SLC26A4: variants seen among roughly 807,000 people sequenced by gnomAD.
SLC26A4 encodes the protein solute carrier family 26 member 4.
In SLC26A4, 93 loss-of-function variants were observed where a neutral mutation model predicts 90.4. The observed-to-expected ratio is 1.03, with a 90% confidence interval of 0.87 to 1.22. SLC26A4 has a LOEUF of 1.22. Among genes scored for constraint, SLC26A4 ranks in the 50% most tolerant of loss-of-function variants. The probability of loss-of-function intolerance (pLI) is 0.00; values close to 1 mark genes in which losing one functional copy is unlikely to be tolerated. For missense variants in SLC26A4, 1,127 were observed against 946.2 expected, an observed-to-expected ratio of 1.19 and a Z score of -2.51; for synonymous variants, 393 against 354.6, an observed-to-expected ratio of 1.11 and a Z score of -1.22.
At chr7:107,663,517 T>C (rs2129309237) in intron 3 of SLC26A4, 82 bp downstream of exon 3, 1 of 1,500,858 alleles carries the variant, frequency 6.7e-7, no homozygotes, top group Non-Finnish European at 9.3e-7. Flanking sequence ...CTGTGACAGA[T>C]GGTTGCTTAC....
In SLC26A4 at chr7:107,692,195, G is replaced by A. The variant is rs549061580; in HGVS notation, c.1263+1958G>A. Reference sequence around the variant, plus strand: ...TGTATTATATTTAGGAATGAAGGATGCCAGGATTTCAGCATTAAAGAATGA... The same window carrying A: ...TGTATTATATTTAGGAATGAAGGATACCAGGATTTCAGCATTAAAGAATGA... On this transcript the variant is annotated intron_variant, in intron 10 of 20. Coordinates refer to ENST00000644269, the MANE Select transcript of SLC26A4 (RefSeq NM_000441.2). 44 of 702,786 alleles carry A rather than the reference G, an allele frequency of 6.3e-5. No homozygotes were observed. In the Middle Eastern group the frequency reaches 9.4e-4, roughly 15 times the overall value. The allele number at this position is 702,786 out of a possible 1,614,324, so 43.5% of individuals were successfully genotyped here.
At chr7:107,711,830 T>A (rs1047841565) in intron 19 of SLC26A4, among the ~76,000 whole-genome samples, 2 of 152,230 alleles carry the variant, frequency 1.3e-5, no homozygotes, top group African/African-American at 4.8e-5. Flanking sequence ...GTCATACCAT[T>A]TGCACAGGGA....
intron 20 of SLC26A4, among the ~76,000 whole-genome samples, chr7:107,715,127 C>T (rs958690350): frequency 5.4e-5 from 8 of 147,588 alleles, no homozygotes; most frequent in African/African-American, 9.9e-5. Flanking sequence ...CCCAGCTACT[C>T]GGGAGGCTGA....
intron 6 of SLC26A4, among the ~76,000 whole-genome samples, chr7:107,682,570 TG>T (rs1791270557): frequency 6.6e-6 from 1 of 152,154 alleles, no homozygotes; most frequent in Non-Finnish European, 1.5e-5. Flanking sequence ...TGTAATTTTT[TG>T]TTATTATCTA....
At chr7:107,686,289 T>G (rs919303511) in intron 8 of SLC26A4, among the ~76,000 whole-genome samples, 1 of 109,118 alleles carries the variant, frequency 9.2e-6, no homozygotes, top group African/African-American at 3.5e-5. Flanking sequence ...TTCCCTCCCT[T>G]TCCTACCTTC....
At chr7:107,668,900 C>T (rs554159220) in intron 3 of SLC26A4, among the ~76,000 whole-genome samples, 37 of 152,222 alleles carry the variant, frequency 2.4e-4, no homozygotes, top group African/African-American at 8.4e-4. Context: ...TATTTGTCAC[C>T]ATGCTATAAA....
chr7:107,680,095 AATCTT>A (rs1435749111), intron 6 of SLC26A4, among the ~76,000 whole-genome samples: 1 of 93,524 alleles, frequency 1.1e-5, no homozygotes, highest in African/African-American at 4.8e-5. Flanking sequence ...CTTATTATAT[AATCTT>A]ATCTTATTAT....
rs368280107 is a variant in SLC26A4, at chr7:107,672,252, A to G, written c.415+4A>G. The G allele has an allele frequency of 5.9e-6, 9 of 1,527,534 alleles. No individual in the cohort carries two copies. The African/African-American group carries it at 1.2e-4, about 21-fold the overall frequency. The allele number at this position is 1,527,534 out of a possible 1,614,324, so 94.6% of individuals were successfully genotyped here. A position where few individuals can be genotyped will look rare whatever the true frequency, so the allele number is the denominator to read the frequency against. ...ACATCAAGACATATCTCAGTTGGTA[A>G]TTATAAGTATATTTTACAATTATAT... On this transcript the variant is annotated splice_donor_region_variant and intron_variant, in intron 4 of 20. Transcript: ENST00000644269.
chr7:107,683,112 C>T (rs1791290588), intron 6 of SLC26A4, 90 bp from the exon 7 acceptor site: 2 of 945,882 alleles, frequency 2.1e-6, no homozygotes, highest in East Asian at 2.6e-5. Flanking sequence ...TGGGAAGATT[C>T]ATATGAGAAT....
Position 107,661,857 on chromosome 7 carries a change from C to A in SLC26A4, c.164+52C>A. On this transcript the variant is annotated intron_variant, in intron 2 of 20. Transcript: ENST00000644269. This position sits in a 1 kb window ranked among gnomAD's most constrained non-coding sequence, Gnocchi z 5.1. ...GAGAAGCGGAGCGGGGCGTCCACGC[C>A]TTGGGGAGGGAAGGGCGTCCCCAGC... 6.6e-7 allele frequency: 1 copy of A among 1,511,310 alleles called. No individual in the cohort carries two copies. Among genetic ancestry groups the A allele is most frequent in the Non-Finnish European group, 8.8e-7 (1 of 1,130,274 alleles). The allele number at this position is 1,511,310 out of a possible 1,614,324, so 93.6% of individuals were successfully genotyped here.
intron 3 of SLC26A4, among the ~76,000 whole-genome samples, chr7:107,667,183 A>G (rs939944807): frequency 6.6e-6 from 1 of 152,114 alleles, no homozygotes; most frequent in African/African-American, 2.4e-5. Context: ...TGCCACCTAG[A>G]GAAGTGGGAG....
intron 19 of SLC26A4, among the ~76,000 whole-genome samples, chr7:107,711,288 C>A (rs907524152): frequency 3.9e-5 from 6 of 151,970 alleles, no homozygotes; most frequent in Admixed American, 2.6e-4. Flanking sequence ...ATGAAGTATC[C>A]TTTAAGAGAT....
At position 107,690,256 on chromosome 7, in the gene SLC26A4, T is replaced by C. The variant is rs1376649250; in HGVS notation, c.1263+19T>C. On this transcript the variant is annotated intron_variant, in intron 10 of 20. Coordinates refer to ENST00000644269, the MANE Select transcript of SLC26A4 (RefSeq NM_000441.2). Reference sequence around the variant, plus strand: ...GACACAGGTAGGAACAACAGCCTTATGATATCCATCTCAGAGAACAAGTCG... The same window carrying C: ...GACACAGGTAGGAACAACAGCCTTACGATATCCATCTCAGAGAACAAGTCG... 1 of 1,351,804 alleles carries C rather than the reference T, an allele frequency of 7.4e-7. No homozygotes were observed. Among genetic ancestry groups the C allele is most frequent in the Non-Finnish European group, 1.1e-6 (1 of 940,176 alleles). The allele number at this position is 1,351,804 out of a possible 1,614,324, so 83.7% of individuals were successfully genotyped here.
rs561255298 is a variant in SLC26A4 at position 107,682,635 on chromosome 7, CA to C, written c.766-559del. On this transcript the variant is annotated intron_variant, in intron 6 of 20. Transcript: ENST00000644269. ...CCTAAAATACTGGCTAATTGTGCCCCAAAAAAAAGAAAGCTAGAAAGAAAGA... is the reference window on the plus strand; with the variant it reads ...CCTAAAATACTGGCTAATTGTGCCCCAAAAAAAGAAAGCTAGAAAGAAAGA... Among the ~76,000 whole-genome samples, 4 of 150,688 alleles carry C rather than the reference CA, an allele frequency of 2.7e-5. No homozygotes were observed. In the South Asian group the frequency reaches 8.4e-4, roughly 32 times the overall value.
chr7:107,668,278 G>T (rs1222904455), intron 3 of SLC26A4, among the ~76,000 whole-genome samples: 1 of 152,212 alleles, frequency 6.6e-6, no homozygotes, highest in Non-Finnish European at 1.5e-5. Context: ...TGGAATCTGT[G>T]TGGGCAAGGG....
rs1215804413 is a variant in SLC26A4 at position 107,661,029 on chromosome 7, G to GGA, written c.-4+179_-4+180dup. The GGA allele has an allele frequency of 6.5e-6, 1 of 152,952 alleles. No homozygotes were observed. The highest frequency in any genetic ancestry group is 1.5e-5 in the Non-Finnish European group (1 of 68,624). The allele number at this position is 152,952 out of a possible 1,614,324, so 9.5% of individuals were successfully genotyped here. A position where few individuals can be genotyped will look rare whatever the true frequency, so the allele number is the denominator to read the frequency against. ...AGGCTGCTCGGAAAACAGGACGAGG[G>GGA]GAGAGACTTGCTCAATAAGCTGAAA... On this transcript the variant is annotated intron_variant, in intron 1 of 20. Coordinates refer to ENST00000644269, the MANE Select transcript of SLC26A4 (RefSeq NM_000441.2). The surrounding 1 kb of genome is among the most constrained non-coding windows in gnomAD (Gnocchi z 5.1).
At chr7:107,691,791 T>C in intron 10 of SLC26A4, 1 of 1,015,832 alleles carries the variant, frequency 9.8e-7, no homozygotes, top group African/African-American at 1.7e-5. Context: ...TTTTTGCAAA[T>C]ATTTCCAGCT....
intron 12 of SLC26A4, 59 bp from the exon 13 acceptor site, chr7:107,695,874 T>C (rs569347887): frequency 6.0e-5 from 53 of 889,034 alleles, no homozygotes; most frequent in Admixed American, 5.3e-4. Flanking sequence ...TAGGTAGTTA[T>C]CACATGATGG....
At chr7:107,704,775 T>G (rs1393302050) in intron 18 of SLC26A4, among the ~76,000 whole-genome samples, 4 of 152,222 alleles carry the variant, frequency 2.6e-5, no homozygotes, top group Non-Finnish European at 5.9e-5. Flanking sequence ...GGAAGCTTTA[T>G]TATTATGCCA....
Sources: allele counts gnomAD v4.1 joint callset (sites outside exome capture counted in the v4.1 genomes callset), GRCh38; gene constraint gnomAD v4.1.1; non-coding constraint Gnocchi (gnomAD v3.1); transcripts MANE v1.5; gene names NCBI Gene and HGNC (gene_info 2026-07-23, HGNC 2026-07-21).